Variants in DLGAP1 observed in about 807,000 individuals in gnomAD.
DLGAP1 encodes disks large-associated protein 1.
DLGAP1 carries 11 observed loss-of-function variants against 90.8 expected under a neutral mutation model. The observed-to-expected ratio is 0.12, with a 90% CI of 0.08 to 0.20. DLGAP1 has a LOEUF of 0.20. Among genes scored for constraint, DLGAP1 ranks in the 10% least tolerant of loss-of-function variants. The pLI, the probability that DLGAP1 is intolerant of heterozygous loss-of-function variation, is 1.00. For missense variants in DLGAP1, 1,050 were observed against 1,333.8 expected (o/e 0.79, Z 3.31); for synonymous variants, 558 against 540.7 (o/e 1.03, Z -0.44).
chr18:3,623,731 C>A (rs540459083), intron 7 of DLGAP1, among the ~76,000 whole-genome samples: 24 of 140,266 alleles, frequency 1.7e-4, no homozygotes, highest in Non-Finnish European at 3.2e-4. Flanking sequence ...GAGCCGAGGT[C>A]ACACTACTGC....
At chr18:3,897,856 G>A (rs914058945) in intron 3 of DLGAP1, among the ~76,000 whole-genome samples, 11 of 138,636 alleles carry the variant, frequency 7.9e-5, no homozygotes, top group South Asian at 7.1e-4. Flanking sequence ...CTGCAGTGGC[G>A]CAATCTCGGC....
chr18:3,589,815 C>T (rs562850835), intron 7 of DLGAP1, among the ~76,000 whole-genome samples: 1 of 152,176 alleles, frequency 6.6e-6, no homozygotes, highest in Non-Finnish European at 1.5e-5. Flanking sequence ...GAGAGAAGGG[C>T]TGCCTTGGTC....
intron 1 of DLGAP1, among the ~76,000 whole-genome samples, chr18:4,248,908 A>G (rs73942741): frequency 0.03 from 4,612 of 152,262 alleles, 231 homozygotes; most frequent in African/African-American, 0.1. Flanking sequence ...GCACTGGTTC[A>G]CATGCAGTGC....
At chr18:3,636,906 A>G (rs11663738) in intron 7 of DLGAP1, among the ~76,000 whole-genome samples, 53,544 of 148,574 alleles carry the variant, frequency 0.36, 10,576 homozygotes, top group East Asian at 0.79. Context: ...TGTATTTTCA[A>G]TAGAGACGGA....
At chr18:4,368,421 A>T (rs1297119718) in intron 1 of DLGAP1, among the ~76,000 whole-genome samples, 2 of 152,122 alleles carry the variant, frequency 1.3e-5, no homozygotes, top group Non-Finnish European at 2.9e-5. Flanking sequence ...TTACTCTCTA[A>T]AATGTGGGCG....
chr18:3,736,445 A>G (rs1279913459), intron 6 of DLGAP1, among the ~76,000 whole-genome samples: 1 of 152,192 alleles, frequency 6.6e-6, no homozygotes, highest in Non-Finnish European at 1.5e-5. Flanking sequence ...TAGTTTTTCT[A>G]GACCAACTCC....
intron 6 of DLGAP1, among the ~76,000 whole-genome samples, chr18:3,737,941 T>A (rs1026903949): frequency 2.7e-5 from 4 of 150,138 alleles, no homozygotes; most frequent in Non-Finnish European, 4.4e-5. Context: ...GGATACAAAA[T>A]CAATGTACAA....
At chr18:3,826,056 G>T (rs1313430832) in intron 4 of DLGAP1, among the ~76,000 whole-genome samples, 1 of 152,170 alleles carries the variant, frequency 6.6e-6, no homozygotes, top group Non-Finnish European at 1.5e-5. Context: ...GTTCTCACTT[G>T]TAAGTGGGAG....
At chr18:4,260,231 C>T (rs571315110) in intron 1 of DLGAP1, among the ~76,000 whole-genome samples, 3 of 152,194 alleles carry the variant, frequency 2.0e-5, no homozygotes, top group Non-Finnish European at 2.9e-5. Context: ...AAAGGCAACT[C>T]GAAACCGGAA....
intron 1 of DLGAP1, among the ~76,000 whole-genome samples, chr18:4,362,708 T>A (rs144068606): frequency 1.3e-5 from 2 of 152,266 alleles, no homozygotes; most frequent in African/African-American, 4.8e-5. Flanking sequence ...GAACTGTAAA[T>A]GGTAAAAACG....
At chr18:3,706,394 G>C (rs2061434109) in intron 7 of DLGAP1, among the ~76,000 whole-genome samples, 1 of 152,130 alleles carries the variant, frequency 6.6e-6, no homozygotes, top group Non-Finnish European at 1.5e-5. Flanking sequence ...GGACACATAA[G>C]GGCCATTGTG....
chr18:4,331,726 C>T (rs1267685526), intron 1 of DLGAP1, among the ~76,000 whole-genome samples: 7 of 151,814 alleles, frequency 4.6e-5, no homozygotes, highest in East Asian at 1.9e-4. Flanking sequence ...CCTGGTCTTT[C>T]GGCTTCTTGA....
At chr18:4,208,051 C>T (rs1359055485) in intron 1 of DLGAP1, among the ~76,000 whole-genome samples, 1 of 152,174 alleles carries the variant, frequency 6.6e-6, no homozygotes, top group Non-Finnish European at 1.5e-5. Flanking sequence ...TAATATTTTT[C>T]ACTTTCAGTG....
chr18:3,739,977 C>G lies in DLGAP1; in HGVS notation c.1350+2358G>C, dbSNP rs555274561. On this transcript the variant is annotated intron_variant, in intron 6 of 12. Coordinates refer to ENST00000315677, the MANE Select transcript of DLGAP1 (RefSeq NM_004746.4). ...TGTGCAATGATTTGTTGGTATCTTACTAAGCTATCATTAGAAAGTGATGTT... is the reference window on the plus strand; with the variant it reads ...TGTGCAATGATTTGTTGGTATCTTAGTAAGCTATCATTAGAAAGTGATGTT... Among the ~76,000 whole-genome samples the G allele has an allele frequency of 2.0e-5, 3 of 152,262 alleles. No homozygotes were observed. In the South Asian group the frequency reaches 6.2e-4, roughly 32 times the overall value.
chr18:4,308,977 C>T (rs1318261865), intron 1 of DLGAP1, among the ~76,000 whole-genome samples: 1 of 152,166 alleles, frequency 6.6e-6, no homozygotes, highest in Non-Finnish European at 1.5e-5. Context: ...AAAGTAAACA[C>T]CTTGTGGTCA....
chr18:4,128,223 T>C (rs73943858), intron 2 of DLGAP1, among the ~76,000 whole-genome samples: 3,141 of 152,290 alleles, frequency 0.021, 120 homozygotes, highest in African/African-American at 0.072. Flanking sequence ...TTTTTCTTGT[T>C]ATTATTCTCT....
chr18:4,371,436 G>A (rs949399776), intron 1 of DLGAP1, among the ~76,000 whole-genome samples: 1 of 152,200 alleles, frequency 6.6e-6, no homozygotes, highest in Non-Finnish European at 1.5e-5. Context: ...ATTTGTTAGA[G>A]CAGATAGCAT....
chr18:3,596,990 C>T (rs745415559), intron 7 of DLGAP1: 5 of 520,002 alleles, frequency 9.6e-6, no homozygotes, highest in Non-Finnish European at 1.9e-5. Context: ...CACTTGGCCT[C>T]CCCCACAGGC....
chr18:4,153,241 AGAATT>A (rs1009736051), intron 1 of DLGAP1, among the ~76,000 whole-genome samples: 1 of 152,262 alleles, frequency 6.6e-6, no homozygotes, highest in African/African-American at 2.4e-5. Context: ...ATACAATTAT[AGAATT>A]TCATGCAAGA....
Sources: allele counts gnomAD v4.1 joint callset (sites outside exome capture counted in the v4.1 genomes callset), GRCh38; gene constraint gnomAD v4.1.1; transcripts MANE v1.5; gene names NCBI Gene and HGNC (gene_info 2026-07-23, HGNC 2026-07-21).